The following CAD variants were observed in gnomAD, a reference collection of about 807,000 sequenced individuals.
The protein encoded by CAD is carbamoyl-phosphate synthetase 2, aspartate transcarbamylase, and dihydroorotase.
A neutral mutation model predicts 237.2 loss-of-function variants in CAD; 81 were observed. The observed-to-expected ratio is 0.34, with a 90% CI of 0.29 to 0.41. The LOEUF (loss-of-function observed/expected upper bound fraction) is 0.41. Ranked by LOEUF, CAD falls within the 10% of genes least tolerant of loss-of-function variation. CAD has a pLI of 1.00. For missense variants in CAD, 2,181 were observed against 2,951.7 expected (o/e 0.74, Z 6.05); for synonymous variants, 1,196 against 1,162.8 (o/e 1.03, Z -0.58).
Position 27,223,675 on chromosome 2 carries a change from T to A in CAD, c.922T>A (p.Trp308Arg), listed in dbSNP as rs1489030553. Reference sequence around the variant, plus strand: ...GGAGACAGACTCACTGCCAGCAGACTGGGCTCCTCTCTTCACCAACGCCAA... The same window carrying A: ...GGAGACAGACTCACTGCCAGCAGACAGGGCTCCTCTCTTCACCAACGCCAA... ...AVETDSLPAD[W>R]APLFTNANDG... Residue 308 changes from tryptophan to arginine, a missense_variant, in exon 7 of 44, where the codon TGG (tryptophan) becomes AGG (arginine). This residue lies in a region of CAD where 129 missense variants were observed against 143.3 expected (regional missense o/e 0.90). Transcript: ENST00000264705. 1 of 1,614,082 alleles carries A rather than the reference T, an allele frequency of 6.2e-7. No individual in the cohort carries two copies. The highest frequency in any genetic ancestry group is 1.3e-5 in the African/African-American group (1 of 74,938).
intron 15 of CAD, among the ~76,000 whole-genome samples, chr2:27,230,271 T>C (rs1675674978): frequency 6.6e-6 from 1 of 152,010 alleles, no homozygotes; most frequent in Non-Finnish European, 1.5e-5. Context: ...TGAGGCCATG[T>C]GGCAATGTGG....
At position 27,239,227 on chromosome 2, in the gene CAD, G is replaced by A; in HGVS notation, c.5248G>A (p.Val1750Met). The change falls in exon 32 of 44, where the codon GTG (valine) becomes ATG (methionine). Residue 1750 changes from valine (V) to methionine (M), a missense_variant. Physicochemically the swap from Val to Met is conservative, Grantham distance 21. This residue lies in a region of CAD where 478 missense variants were observed against 515.0 expected (regional missense o/e 0.93). Transcript: ENST00000264705. The surrounding 1 kb of genome is among the most constrained non-coding windows in gnomAD (Gnocchi z 4.0). ...FHLPPQEDTYVEVDLEHEWTI... is the reference protein window; with the variant it reads ...FHLPPQEDTYMEVDLEHEWTI... Reference sequence around the variant, plus strand: ...CCTGCCCCCGCAGGAGGACACCTATGTGGAGGTGTGGGGATGAGGCCCAGA... The same window carrying A: ...CCTGCCCCCGCAGGAGGACACCTATATGGAGGTGTGGGGATGAGGCCCAGA... 8 of 1,604,538 alleles carry A rather than the reference G, an allele frequency of 5.0e-6. No individual in the cohort carries two copies. The highest frequency in any genetic ancestry group is 6.8e-6 in the Non-Finnish European group (8 of 1,173,460).
rs1371042440 is a variant in CAD, at chr2:27,217,979, T to A, written c.185T>A (p.Ile62Asn). The change falls in exon 2 of 44, where the codon ATC becomes AAC. Residue 62 changes from isoleucine to asparagine, a missense_variant. Physicochemically the swap from Ile to Asn is moderately radical, Grantham distance 149 (BLOSUM62 -3). Around this residue, in one of 12 missense-constraint regions of CAD, gnomAD observed 314 missense variants for 339.4 expected, o/e 0.93. Coordinates refer to ENST00000264705, the MANE Select transcript of CAD (RefSeq NM_004341.5). ...TATCCTCTGATCGGCAACTATGGCA[T>A]CCCCCCAGATGAAATGGATGAGTTC... ...LTYPLIGNYG[I>N]PPDEMDEFGL... The A allele has an allele frequency of 6.2e-7, 1 of 1,611,796 alleles. No homozygotes were observed. The highest frequency in any genetic ancestry group is 1.3e-5 in the African/African-American group (1 of 74,778).
intron 9 of CAD, 64 bp downstream of exon 9, chr2:27,224,554 G>A: frequency 6.3e-7 from 1 of 1,587,778 alleles, no homozygotes; most frequent in Non-Finnish European, 8.6e-7. Flanking sequence ...GGGTCTTAAG[G>A]AGAAGGGCTA....
Position 27,226,644 on chromosome 2 carries a change from G to C in CAD, c.2151G>C (p.Glu717Asp), listed in dbSNP as rs1675455069. 6.2e-7 allele frequency: 1 copy of C among 1,614,022 alleles called. No individual in the cohort carries two copies. The highest frequency in any genetic ancestry group is 2.2e-5 in the East Asian group (1 of 44,898). Residue 717 changes from glutamate to aspartate, a missense_variant, in exon 14 of 44, where the codon GAG becomes GAC. By Grantham distance (45) the Glu-to-Asp change is conservative. This residue lies in a region of CAD where 385 missense variants were observed against 535.1 expected (regional missense o/e 0.72). Coordinates refer to ENST00000264705, the MANE Select transcript of CAD (RefSeq NM_004341.5). ...AKLALGIPLPELRNSVTGGTA... is the reference protein window; with the variant it reads ...AKLALGIPLPDLRNSVTGGTA... ...TAGCATTGGGCATCCCTTTGCCTGA[G>C]CTCAGGTACGAGGATGAGGGAGATA...
chr2:27,233,981 G>A lies in CAD; in HGVS notation c.3400-27G>A, dbSNP rs1459889046. On this transcript the variant is annotated intron_variant, in intron 21 of 43. Coordinates refer to ENST00000264705, the MANE Select transcript of CAD (RefSeq NM_004341.5). This position sits in a 1 kb window ranked among gnomAD's most constrained non-coding sequence, Gnocchi z 6.3. ...AAGTGAGAGAAGAAAGTGGCCCTAT[G>A]TCCCACTGTCTGTGTCCCCCCGCTA... is the stretch of plus-strand genomic sequence containing the variant. 2 of 1,605,216 alleles carry A rather than the reference G, an allele frequency of 1.2e-6. No homozygotes were observed. The highest frequency in any genetic ancestry group is 1.7e-6 in the Non-Finnish European group (2 of 1,173,798).
chr2:27,224,991 C>T lies in CAD; in HGVS notation c.1387-19C>T. The T allele has an allele frequency of 6.2e-7, 1 of 1,606,666 alleles. No homozygotes were observed. The highest frequency in any genetic ancestry group is 8.5e-7 in the Non-Finnish European group (1 of 1,173,844). On this transcript the variant is annotated intron_variant, in intron 10 of 43. Transcript: ENST00000264705. ...ACCCACAAGGTTCTGATGCCTGTAA[C>T]TCCCCTCTCCATCCTCAGGTGATAC...
Position 27,233,005 on chromosome 2 carries a change from ACCTGACTGCTAAGTACCCTTC to A in CAD, c.2893-34_2893-14del. 7.3e-7 allele frequency: 1 copy of A among 1,362,276 alleles called. No individual in the cohort carries two copies. Among genetic ancestry groups the A allele is most frequent in the Non-Finnish European group, 1.1e-6 (1 of 950,528 alleles). The allele number at this position is 1,362,276 out of a possible 1,614,324, so 84.4% of individuals were successfully genotyped here. A position where few individuals can be genotyped will look rare whatever the true frequency, so the allele number is the denominator to read the frequency against. ...CGATTTTCTCCACGATTTTCCTCCC[ACCTGACTGCTAAGTACCCTTC>A]CCCTCCCTCTTGCAGATGGGATATA... On this transcript the variant is annotated splice_polypyrimidine_tract_variant and intron_variant, in intron 18 of 43. Transcript: ENST00000264705. The surrounding 1 kb of genome is among the most constrained non-coding windows in gnomAD (Gnocchi z 6.3).
chr2:27,230,236 C>T (rs1163240665), intron 15 of CAD, among the ~76,000 whole-genome samples: 4 of 151,976 alleles, frequency 2.6e-5, no homozygotes. Context: ...AACTCCGTCT[C>T]AAGAAAGAAT....
Position 27,243,230 on chromosome 2 carries a change from C to A in CAD, c.6513C>A (p.Ile2171=). 1 of 1,614,058 alleles carries A rather than the reference C, an allele frequency of 6.2e-7. No individual in the cohort carries two copies. Among genetic ancestry groups the A allele is most frequent in the South Asian group, 1.1e-5 (1 of 91,064 alleles). The change falls in exon 43 of 44, where the codon ATC becomes ATA. Residue 2171 remains isoleucine (I), a synonymous_variant. Coordinates refer to ENST00000264705, the MANE Select transcript of CAD (RefSeq NM_004341.5). ...GTCAGTTCATCCTCACTCCCCACAT[C>A]ATGACCCGGGCCAAGAAGAAGATGG... ...CFGQFILTPH[I]MTRAKKKMVV...
rs777670819 is a variant in CAD, at chr2:27,234,551, C to T, written c.3652C>T (p.Arg1218Cys). 2 of 1,613,892 alleles carry T rather than the reference C, an allele frequency of 1.2e-6. No individual in the cohort carries two copies. The highest frequency in any genetic ancestry group is 1.3e-5 in the African/African-American group (1 of 74,932). The part of the protein sequence containing the change: ...DQLKVIECNV[R>C]VSRSFPFVSK... ...GCTGAAAGTTATTGAATGCAACGTA[C>T]GTGTCTCTCGCTCCTTCCCCTTCGT... is the stretch of plus-strand genomic sequence containing the variant. The change falls in exon 23 of 44, where the codon CGT becomes TGT. Residue 1218 changes from arginine to cysteine, a missense_variant. This residue lies in a region of CAD where 306 missense variants were observed against 607.9 expected (regional missense o/e 0.50). Transcript: ENST00000264705.
intron 1 of CAD, 24 bp downstream of exon 1, chr2:27,217,657 A>G: frequency 6.3e-7 from 1 of 1,582,100 alleles, no homozygotes; most frequent in Non-Finnish European, 8.6e-7. Flanking sequence ...GTTAGGCTGC[A>G]GACCTTATCC....
rs749662740 is a variant in CAD, at chr2:27,234,124, A to G, written c.3516A>G (p.Gln1172=). ...ATGCGACGCTGGTGACCCCCCCACA[A>G]GATATCACTGCCAAAACCCTGGAGC... ...SGDATLVTPP[Q]DITAKTLERI... is the part of the protein sequence containing the mutation. Residue 1172 remains glutamine, a synonymous_variant, in exon 22 of 44, where the codon CAA becomes CAG. Coordinates refer to ENST00000264705, the MANE Select transcript of CAD (RefSeq NM_004341.5). 6.2e-6 allele frequency: 10 copies of G among 1,614,014 alleles called. No individual in the cohort carries two copies. Among genetic ancestry groups the G allele is most frequent in the Non-Finnish European group, 7.6e-6 (9 of 1,179,988 alleles).
chr2:27,223,070 C>A (rs753076905), intron 6 of CAD, 33 bp downstream of exon 6: 8 of 1,608,054 alleles, frequency 5.0e-6, no homozygotes, highest in Non-Finnish European at 6.0e-6. Flanking sequence ...GGGGCCCATA[C>A]TTGTGGCATG....
At position 27,225,253 on chromosome 2, in the gene CAD, G is replaced by T. The variant is rs371294818; in HGVS notation, c.1620+10G>T. ...AAATTCTCTTGAACAGGTTGGAGGGGTGTTTGGGTAAAGGAAGAATGGTGG... is the reference window on the plus strand; with the variant it reads ...AAATTCTCTTGAACAGGTTGGAGGGTTGTTTGGGTAAAGGAAGAATGGTGG... On this transcript the variant is annotated intron_variant, in intron 11 of 43. Coordinates refer to ENST00000264705, the MANE Select transcript of CAD (RefSeq NM_004341.5). 176 of 1,535,754 alleles carry T rather than the reference G, an allele frequency of 1.1e-4. No individual in the cohort carries two copies. The South Asian group carries it at 1.5e-3, about 13-fold the overall frequency.
intron 30 of CAD, 71 bp downstream of exon 30, chr2:27,238,258 A>G (rs376525896): frequency 3.2e-6 from 5 of 1,561,014 alleles, no homozygotes; most frequent in Admixed American, 1.8e-5. Flanking sequence ...GGTAGTCCTT[A>G]GGGGCAGGAG....
In CAD at chr2:27,241,433, G is replaced by A. The variant is rs766400026; in HGVS notation, c.5883+37G>A. On this transcript the variant is annotated intron_variant, in intron 38 of 43. Coordinates refer to ENST00000264705, the MANE Select transcript of CAD (RefSeq NM_004341.5). This position sits in a 1 kb window ranked among gnomAD's most constrained non-coding sequence, Gnocchi z 4.6. The stretch of plus-strand genomic sequence containing the variant: ...GGCCGGGGGTAGGGTCCAGGCCATC[G>A]CCTGCCCTTGGGCCGCATCAGCGCA... The A allele has an allele frequency of 1.2e-5, 19 of 1,602,838 alleles. No individual in the cohort carries two copies. The highest frequency in any genetic ancestry group is 2.7e-5 in the African/African-American group (2 of 74,738).
At position 27,225,725 on chromosome 2, in the gene CAD, G is replaced by T. The variant is rs138161174; in HGVS notation, c.1641G>T (p.Arg547=). The T allele has an allele frequency of 3.7e-6, 6 of 1,613,898 alleles. No homozygotes were observed. The highest frequency in any genetic ancestry group is 4.2e-6 in the Non-Finnish European group (5 of 1,179,934). Reference sequence around the variant, plus strand: ...TGCAGGCCCAGGCAGCCGCTGAACGGCTGGGGTACCCTGTGCTAGTGCGTG... The same window carrying T: ...TGCAGGCCCAGGCAGCCGCTGAACGTCTGGGGTACCCTGTGCTAGTGCGTG... ...SLEQAQAAAE[R]LGYPVLVRAA... is the part of the protein sequence containing the mutation. Residue 547 remains arginine (R), a synonymous_variant, in exon 12 of 44, where the codon CGG becomes CGT. Transcript: ENST00000264705.
At position 27,242,274 on chromosome 2, in the gene CAD, A is replaced by G; in HGVS notation, c.6097-28A>G. ...GCAGTTGGGGGGCCTCTGAGCTGCA[A>G]AAGACAGGATTTTCCCCTTTTTTCC... On this transcript the variant is annotated intron_variant, in intron 39 of 43. Transcript: ENST00000264705. The surrounding 1 kb of genome is among the most constrained non-coding windows in gnomAD (Gnocchi z 6.4). 6.3e-7 allele frequency: 1 copy of G among 1,598,174 alleles called. No individual in the cohort carries two copies. The highest frequency in any genetic ancestry group is 8.6e-7 in the Non-Finnish European group (1 of 1,169,188).
Sources: gnomAD v4.1 joint callset for allele counts (sites outside exome capture counted in the v4.1 genomes callset) on GRCh38, gnomAD v4.1.1 for gene constraint, gnomAD v4.1.1 regional missense constraint, Gnocchi (gnomAD v3.1) non-coding constraint, MANE v1.5 for transcripts, NCBI Gene and HGNC (gene_info 2026-07-23, HGNC 2026-07-21) for gene names.